Variants in EYS observed in about 807,000 individuals in gnomAD.
The protein encoded by EYS is EGF-like photoreceptor maintenance factor.
Under a neutral mutation model 282.1 loss-of-function variants are expected in EYS, and 250 were observed. The observed-to-expected ratio is 0.89, with a 90% CI of 0.80 to 0.98. The LOEUF is 0.98. EYS is among the 50% of genes least tolerant of loss of function. EYS has a pLI of 0.00. For synonymous variants in EYS, 1,355 were observed against 1,282.9 expected (o/e 1.06, Z -1.20); for missense variants, 4,016 against 3,709.0 (o/e 1.08, Z -2.15).
At chr6:64,231,882 A>G (rs1766435519) in intron 30 of EYS, among the ~76,000 whole-genome samples, 2 of 152,138 alleles carry the variant, frequency 1.3e-5, no homozygotes, top group South Asian at 2.1e-4. Context: ...TATCTTTTTA[A>G]TGTAAAAAAC....
At chr6:65,485,587 T>G (rs2127259974) in intron 5 of EYS, among the ~76,000 whole-genome samples, 1 of 152,312 alleles carries the variant, frequency 6.6e-6, no homozygotes, top group East Asian at 1.9e-4. Flanking sequence ...AGTGGATCGC[T>G]GGAGGACAAA....
At chr6:65,370,408 A>T in intron 8 of EYS, among the ~76,000 whole-genome samples, 2 of 141,470 alleles carry the variant, frequency 1.4e-5, no homozygotes, top group African/African-American at 2.6e-5. Flanking sequence ...GATGCGTGCC[A>T]CCAGATCACA....
chr6:64,932,437 C>A (rs1321792084), intron 15 of EYS, among the ~76,000 whole-genome samples: 2 of 151,950 alleles, frequency 1.3e-5, no homozygotes, highest in African/African-American at 4.8e-5. Context: ...TGCTTAATAT[C>A]ACAGTGTTTG....
chr6:65,346,480 A>T (rs893557716), intron 9 of EYS, among the ~76,000 whole-genome samples: 1 of 151,728 alleles, frequency 6.6e-6, no homozygotes, highest in African/African-American at 2.4e-5. Context: ...ATTATTACAA[A>T]TATAGTAAAA....
chr6:65,312,040 C>T (rs1582129883), intron 11 of EYS, among the ~76,000 whole-genome samples: 1 of 151,506 alleles, frequency 6.6e-6, no homozygotes, highest in East Asian at 1.9e-4. Flanking sequence ...TGACATAATT[C>T]CTGATGCCAT....
chr6:65,243,176 G>C (rs1010063097), intron 12 of EYS, among the ~76,000 whole-genome samples: 1 of 151,988 alleles, frequency 6.6e-6, no homozygotes, highest in Non-Finnish European at 1.5e-5. Context: ...TTTTTTGTGT[G>C]TTTATCATAT....
chr6:65,234,448 G>A (rs1475640280), intron 12 of EYS, among the ~76,000 whole-genome samples: 4 of 152,160 alleles, frequency 2.6e-5, no homozygotes, highest in Non-Finnish European at 5.9e-5. Flanking sequence ...CTACCAGTGA[G>A]GGCTATGTAG....
chr6:65,583,212 T>A (rs1489121569), intron 2 of EYS, among the ~76,000 whole-genome samples: 1 of 152,046 alleles, frequency 6.6e-6, no homozygotes, highest in East Asian at 1.9e-4. Context: ...GTTATAATAC[T>A]CCAGATTTTA....
rs192693620 is a variant in EYS at position 65,059,005 on chromosome 6, C to G, written c.2024-1278G>C. 1.9e-3 allele frequency among the ~76,000 whole-genome samples: 293 copies of G among 152,026 alleles called. 2 individuals carry two copies. Among genetic ancestry groups the G allele is most frequent in the African/African-American group, 6.8e-3 (283 of 41,460 alleles). The stretch of plus-strand genomic sequence containing the variant: ...AATTAATCTAATAGGAATCAACGTA[C>G]TGGACTAAATAGAAAATATCACTAT... On this transcript the variant is annotated intron_variant, in intron 12 of 42. Coordinates refer to ENST00000503581, the MANE Select transcript of EYS (RefSeq NM_001142800.2).
At chr6:64,146,727 C>T (rs1582339257) in intron 31 of EYS, among the ~76,000 whole-genome samples, 1 of 152,190 alleles carries the variant, frequency 6.6e-6, no homozygotes, top group Middle Eastern at 3.4e-3. Flanking sequence ...AGCTAAGCTC[C>T]ACTGAGTTGA....
At chr6:64,790,440 A>G (rs776371293) in intron 22 of EYS, among the ~76,000 whole-genome samples, 1 of 151,904 alleles carries the variant, frequency 6.6e-6, no homozygotes, top group African/African-American at 2.4e-5. Context: ...TCATAAGACA[A>G]GAAAAAAAAT....
intron 7 of EYS, among the ~76,000 whole-genome samples, chr6:65,387,912 G>T (rs1177975041): frequency 6.6e-6 from 1 of 152,016 alleles, no homozygotes; most frequent in Admixed American, 6.6e-5. Flanking sequence ...CTGATGGAAA[G>T]TTACTTGTAT....
chr6:64,053,077 A>C lies in EYS; in HGVS notation c.6725+13261T>G, dbSNP rs546025516. ...TATAAACAACTTTAAAATATGTTTA[A>C]ATTTATCATACATATTTTGTGGGAT... On this transcript the variant is annotated intron_variant, in intron 33 of 42. Coordinates refer to ENST00000503581, the MANE Select transcript of EYS (RefSeq NM_001142800.2). Among the ~76,000 whole-genome samples the C allele has an allele frequency of 3.9e-4, 59 of 152,226 alleles. 1 individual carries two copies. The South Asian group carries it at 0.011, about 29-fold the overall frequency.
intron 15 of EYS, among the ~76,000 whole-genome samples, chr6:64,930,803 A>C (rs904932712): frequency 6.6e-6 from 1 of 152,182 alleles, no homozygotes; most frequent in Non-Finnish European, 1.5e-5. Context: ...AAGCATCAAC[A>C]CAAATGCCAA....
intron 9 of EYS, among the ~76,000 whole-genome samples, chr6:65,345,213 G>A (rs1228285653): frequency 6.6e-6 from 1 of 151,632 alleles, no homozygotes. Flanking sequence ...TAATTTGACT[G>A]TTTATAAATT....
At chr6:64,742,372 A>G (rs1430974348) in intron 22 of EYS, among the ~76,000 whole-genome samples, 3 of 152,186 alleles carry the variant, frequency 2.0e-5, no homozygotes, top group Non-Finnish European at 4.4e-5. Context: ...AGATTTAATG[A>G]CAATGAACAA....
At chr6:64,024,649 T>C (rs1298459482) in intron 33 of EYS, among the ~76,000 whole-genome samples, 25 of 152,068 alleles carry the variant, frequency 1.6e-4, no homozygotes, top group African/African-American at 5.6e-4. Flanking sequence ...ACACTCACTG[T>C]GAAGGTCTGC....
At chr6:65,114,109 T>C (rs1301581608) in intron 12 of EYS, among the ~76,000 whole-genome samples, 3 of 151,862 alleles carry the variant, frequency 2.0e-5, no homozygotes, top group Admixed American at 6.6e-5. Context: ...TTAATACAAA[T>C]AAAACATTCA....
At chr6:64,861,407 T>G (rs183135095) in intron 19 of EYS, among the ~76,000 whole-genome samples, 2 of 152,254 alleles carry the variant, frequency 1.3e-5, no homozygotes, top group African/African-American at 4.8e-5. Context: ...TCTGAGCCAG[T>G]GAGGTCAGGG....
Sources: allele counts gnomAD v4.1 joint callset (sites outside exome capture counted in the v4.1 genomes callset), GRCh38; gene constraint gnomAD v4.1.1; transcripts MANE v1.5; gene names NCBI Gene and HGNC (gene_info 2026-07-23, HGNC 2026-07-21).